The following CLXN variants were observed in gnomAD, a reference collection of about 807,000 sequenced individuals.
CLXN encodes calaxin.
chr8:48,734,202 C>T, the CLXN span, among the ~76,000 whole-genome samples: 1 of 152,052 alleles, frequency 6.6e-6, no homozygotes, highest in African/African-American at 2.4e-5. Flanking sequence ...CTTTTTTGAG[C>T]GACTCGGTTA....
At chr8:48,729,096 C>T in the CLXN span, 60 of 1,613,624 alleles carry the variant, frequency 3.7e-5, no homozygotes, top group Non-Finnish European at 4.7e-5. Context: ...TCTCTTCTCT[C>T]ACAGCCAGTT....
the CLXN span, among the ~76,000 whole-genome samples, chr8:48,729,436 T>C: frequency 1.3e-5 from 2 of 151,786 alleles, no homozygotes; most frequent in Non-Finnish European, 2.9e-5. Flanking sequence ...GGCAGGAGAA[T>C]TGCTTGAGCC....
At chr8:48,725,485 G>A in the CLXN span, among the ~76,000 whole-genome samples, 1 of 152,066 alleles carries the variant, frequency 6.6e-6, no homozygotes, top group African/African-American at 2.4e-5. Flanking sequence ...TTGCTTTTCA[G>A]ATGGGACAGT....
chr8:48,732,219 A>T, the CLXN span, among the ~76,000 whole-genome samples: 1 of 152,194 alleles, frequency 6.6e-6, no homozygotes, highest in Non-Finnish European at 1.5e-5. Flanking sequence ...TTGAGAATGT[A>T]GGTGGAAGGG....
the CLXN span, chr8:48,731,347 C>CCT: frequency 6.2e-7 from 1 of 1,605,478 alleles, no homozygotes; most frequent in Non-Finnish European, 8.5e-7. Context: ...GTGTCTCTTA[C>CCT]CTCTGTCCAT....
chr8:48,734,049 A>T, the CLXN span, among the ~76,000 whole-genome samples: 2 of 152,208 alleles, frequency 1.3e-5, no homozygotes, highest in Admixed American at 1.3e-4. Context: ...ACATTTTAAG[A>T]TGCGTACACA....
the CLXN span, among the ~76,000 whole-genome samples, chr8:48,714,528 A>G: frequency 6.6e-6 from 1 of 152,226 alleles, no homozygotes; most frequent in Non-Finnish European, 1.5e-5. Flanking sequence ...TCAAGTAATA[A>G]AAGAGGGTTA....
chr8:48,718,049 C>G, the CLXN span, among the ~76,000 whole-genome samples: 2 of 152,104 alleles, frequency 1.3e-5, no homozygotes, highest in African/African-American at 4.8e-5. Flanking sequence ...AGTGGTTGAA[C>G]AGATTTTAGA....
the CLXN span, chr8:48,729,021 C>A: frequency 6.4e-7 from 1 of 1,571,718 alleles, no homozygotes; most frequent in Non-Finnish European, 8.7e-7. Flanking sequence ...GATTACCGTT[C>A]AGGGAAAGTC....
the CLXN span, among the ~76,000 whole-genome samples, chr8:48,721,910 C>A: frequency 6.6e-6 from 1 of 151,976 alleles, no homozygotes; most frequent in South Asian, 2.1e-4. Flanking sequence ...GATATGATGA[C>A]AAAAACACAG....
At chr8:48,713,293 A>G in the CLXN span, among the ~76,000 whole-genome samples, 2 of 152,144 alleles carry the variant, frequency 1.3e-5, no homozygotes, top group Admixed American at 6.5e-5. Context: ...CTATTTTATT[A>G]TGTATCTTTT....
chr8:48,724,887 G>A, the CLXN span: 1 of 1,149,170 alleles, frequency 8.7e-7, no homozygotes, highest in Non-Finnish European at 1.3e-6. Flanking sequence ...TTAGTGTAGA[G>A]ACAGGATAAC....
chr8:48,724,287 A>G, the CLXN span: 1 of 152,582 alleles, frequency 6.6e-6, no homozygotes, highest in African/African-American at 2.4e-5. Flanking sequence ...AAGGCGTTTC[A>G]ATGCTCAATA....
the CLXN span, chr8:48,713,887 A>G: frequency 6.6e-6 from 1 of 152,166 alleles, no homozygotes; most frequent in Non-Finnish European, 1.5e-5. Context: ...AAAAACACTT[A>G]ATTGTTTCCC....
the CLXN span, among the ~76,000 whole-genome samples, chr8:48,717,408 A>T: frequency 6.6e-6 from 1 of 152,148 alleles, no homozygotes; most frequent in East Asian, 1.9e-4. Context: ...AATAAAAAAA[A>T]CCCTGCCAAT....
At chr8:48,735,290 A>T in the CLXN span, 1 of 971,744 alleles carries the variant, frequency 1.0e-6, no homozygotes, top group South Asian at 1.5e-5. Flanking sequence ...CGGCCCTAAC[A>T]GACGGTGTAG....
At chr8:48,726,284 CATCCATCCACCCACCT>C in the CLXN span, among the ~76,000 whole-genome samples, 4 of 149,946 alleles carry the variant, frequency 2.7e-5, no homozygotes, top group Non-Finnish European at 5.9e-5. Context: ...TCCATCCATC[CATCCATCCACCCACCT>C]ATCCATCCAT....
At chr8:48,719,879 T>C in the CLXN span, among the ~76,000 whole-genome samples, 126 of 152,316 alleles carry the variant, frequency 8.3e-4, no homozygotes, top group Admixed American at 2.2e-3. Context: ...CCATTTCTAT[T>C]TAACATAGTA....
chr8:48,730,538 A>G, the CLXN span: 1 of 1,598,046 alleles, frequency 6.3e-7, no homozygotes, highest in South Asian at 1.1e-5. Flanking sequence ...CTGCAATCTT[A>G]CATTTCATTT....
Sources: allele counts gnomAD v4.1 joint callset (sites outside exome capture counted in the v4.1 genomes callset), GRCh38; gene constraint gnomAD v4.1.1; transcripts MANE v1.5; gene names NCBI Gene and HGNC (gene_info 2026-07-23, HGNC 2026-07-21).